The following GFM2 variants were observed in gnomAD, a reference collection of about 807,000 sequenced individuals.
GFM2 encodes the protein ribosome-releasing factor 2, mitochondrial.
A neutral mutation model predicts 95.4 loss-of-function variants in GFM2; 72 were observed. The ratio of observed to expected loss-of-function variants is 0.76; its 90% CI spans 0.62 to 0.92. The LOEUF (loss-of-function observed/expected upper bound fraction) is 0.92, where lower values mean the gene tolerates loss of function less well. GFM2 is among the 40% of genes least tolerant of loss of function. The pLI is 0.00. For synonymous variants in GFM2, 276 were observed against 317.5 expected, an observed-to-expected ratio of 0.87 and a Z score of 1.39; for missense variants, 825 against 924.1, an observed-to-expected ratio of 0.89 and a Z score of 1.39.
At chr5:74,750,291 T>C (rs1743626839) in intron 7 of GFM2, among the ~76,000 whole-genome samples, 1 of 152,234 alleles carries the variant, frequency 6.6e-6, no homozygotes, top group South Asian at 2.1e-4. Flanking sequence ...CAGTGTCTTC[T>C]GCCAGAATCC....
At chr5:74,744,493 C>A (rs553011125) in intron 10 of GFM2, among the ~76,000 whole-genome samples, 2 of 151,958 alleles carry the variant, frequency 1.3e-5, no homozygotes, top group African/African-American at 4.8e-5. Context: ...CCATAATATT[C>A]AAGAAATTAA....
intron 10 of GFM2, among the ~76,000 whole-genome samples, chr5:74,742,257 TA>T (rs36116775): frequency 1.2e-3 from 164 of 139,950 alleles, no homozygotes; most frequent in East Asian, 5.4e-3. Flanking sequence ...TCAAACTTGG[TA>T]AAAAAAAAAA....
rs768185080 is a variant in GFM2 at position 74,750,561 on chromosome 5, T to C, written c.519+18A>G. The C allele has an allele frequency of 1.9e-6, 3 of 1,575,324 alleles. No homozygotes were observed. In the South Asian group the frequency reaches 3.3e-5, roughly 18 times the overall value. On this transcript the variant is annotated intron_variant, in intron 7 of 20. Coordinates refer to ENST00000296805, the MANE Select transcript of GFM2 (RefSeq NM_032380.5). The stretch of plus-strand genomic sequence containing the variant: ...ATCATGCTGTTCTAATTCCCTTTAC[T>C]TTGGCAATATTATTTACCTCTACAC...
rs1302088139 is a variant in GFM2, at chr5:74,745,864, G to T, written c.670-7C>A. On this transcript the variant is annotated splice_region_variant and splice_polypyrimidine_tract_variant and intron_variant, in intron 9 of 20. Transcript: ENST00000296805. Reference sequence around the variant, plus strand: ...TGGCTTCACCAATTGGTAACTGTAAGTCAGAGTGAGATTAACATTATTACA... The same window carrying T: ...TGGCTTCACCAATTGGTAACTGTAATTCAGAGTGAGATTAACATTATTACA... 6.2e-7 allele frequency: 1 copy of T among 1,602,572 alleles called. No individual in the cohort carries two copies. Among genetic ancestry groups the T allele is most frequent in the Admixed American group, 1.7e-5 (1 of 58,976 alleles).
intron 10 of GFM2, among the ~76,000 whole-genome samples, chr5:74,744,444 G>A (rs1319700624): frequency 6.6e-6 from 1 of 151,504 alleles, no homozygotes; most frequent in Non-Finnish European, 1.5e-5. Context: ...CAATTTAGAA[G>A]TGAAAAATCA....
At chr5:74,747,150 T>C (rs1056921542) in intron 8 of GFM2, among the ~76,000 whole-genome samples, 2 of 152,184 alleles carry the variant, frequency 1.3e-5, no homozygotes, top group African/African-American at 4.8e-5. Context: ...TCCACCACTC[T>C]GTAAGTCTCT....
At position 74,751,424 on chromosome 5, in the gene GFM2, G is replaced by C. The variant is rs775606940; in HGVS notation, c.374C>G (p.Ser125Ter). 1.9e-6 allele frequency: 3 copies of C among 1,611,052 alleles called. No homozygotes were observed. Among genetic ancestry groups the C allele is most frequent in the Non-Finnish European group, 2.5e-6 (3 of 1,177,382 alleles). The change falls in exon 6 of 21, where the codon TCA becomes TGA. Residue 125 changes from serine (S) to a stop codon, truncating the protein, a stop_gained. Coordinates refer to ENST00000296805, the MANE Select transcript of GFM2 (RefSeq NM_032380.5). LOFTEE classifies it high-confidence loss of function. The part of the protein sequence containing the change: ...QERERGITIQ[S>*]AAVTFDWKGY... ...TTTCCAATCAAATGTAACAGCAGCT[G>C]ATTGAATAGTAATGCCTCTTTCTCG...
rs769378661 is a variant in GFM2 at position 74,738,293 on chromosome 5, C to T, written c.1320+25G>A. ...AATTAAATATTTAAGCTGTTATTTC[C>T]TAGAGAAATCATTTGGTCACTTACA... is the stretch of plus-strand genomic sequence containing the variant. On this transcript the variant is annotated intron_variant, in intron 14 of 20. Coordinates refer to ENST00000296805, the MANE Select transcript of GFM2 (RefSeq NM_032380.5). 12 of 1,552,812 alleles carry T rather than the reference C, an allele frequency of 7.7e-6. No individual in the cohort carries two copies. In the Admixed American group the frequency reaches 2.2e-4, roughly 28 times the overall value.
At chr5:74,756,676 T>C (rs1010526120) in intron 5 of GFM2, among the ~76,000 whole-genome samples, 7 of 151,528 alleles carry the variant, frequency 4.6e-5, no homozygotes, top group Non-Finnish European at 1.0e-4. Flanking sequence ...TATATATATA[T>C]ACACACACAT....
chr5:74,744,758 C>T (rs777211610), intron 10 of GFM2, among the ~76,000 whole-genome samples: 2 of 152,022 alleles, frequency 1.3e-5, no homozygotes, highest in Non-Finnish European at 2.9e-5. Context: ...TGCCCATGTG[C>T]ACAAGTAGAT....
At chr5:74,726,984 T>C (rs940284560) in intron 17 of GFM2, among the ~76,000 whole-genome samples, 4 of 152,100 alleles carry the variant, frequency 2.6e-5, no homozygotes, top group Admixed American at 1.3e-4. Context: ...CTGGGCAATA[T>C]AGCAAGACTC....
At chr5:74,739,755 C>T (rs1454268748) in intron 12 of GFM2, among the ~76,000 whole-genome samples, 1 of 152,122 alleles carries the variant, frequency 6.6e-6, no homozygotes, top group Non-Finnish European at 1.5e-5. Context: ...AACACTTACA[C>T]TTTTACACAG....
intron 10 of GFM2, among the ~76,000 whole-genome samples, chr5:74,742,010 G>A (rs1371239334): frequency 1.3e-5 from 2 of 152,112 alleles, no homozygotes; most frequent in Non-Finnish European, 2.9e-5. Context: ...TATTCTGAAT[G>A]TTCACCAGAT....
intron 12 of GFM2, among the ~76,000 whole-genome samples, chr5:74,738,877 T>C (rs1299341547): frequency 2.0e-5 from 3 of 152,144 alleles, no homozygotes; most frequent in Non-Finnish European, 2.9e-5. Flanking sequence ...ATTACTTCTA[T>C]TTGTGAATAA....
intron 8 of GFM2, among the ~76,000 whole-genome samples, chr5:74,747,033 C>T (rs1043277488): frequency 7.2e-5 from 11 of 152,214 alleles, no homozygotes; most frequent in Admixed American, 7.2e-4. Flanking sequence ...CTCTCCCTAT[C>T]ACATTTGTTC....
intron 12 of GFM2, among the ~76,000 whole-genome samples, chr5:74,739,026 A>G (rs1742983468): frequency 1.3e-5 from 2 of 152,104 alleles, no homozygotes; most frequent in African/African-American, 4.8e-5. Flanking sequence ...TGTCCATTAC[A>G]TAACCATAAA....
intron 17 of GFM2, among the ~76,000 whole-genome samples, chr5:74,729,785 T>C (rs1750327834): frequency 6.6e-6 from 1 of 151,900 alleles, no homozygotes; most frequent in Non-Finnish European, 1.5e-5. Flanking sequence ...GGGAACCAAA[T>C]TAAAATCATA....
chr5:74,750,397 AC>A (rs1406734730), intron 7 of GFM2, among the ~76,000 whole-genome samples, 181 bp downstream of exon 7: 1 of 152,202 alleles, frequency 6.6e-6, no homozygotes, highest in African/African-American at 2.4e-5. Flanking sequence ...TTCTCCTTTT[AC>A]TATGAAATAT....
At chr5:74,739,207 CTT>C (rs1282636880) in intron 12 of GFM2, among the ~76,000 whole-genome samples, 8 of 152,120 alleles carry the variant, frequency 5.3e-5, no homozygotes, top group Non-Finnish European at 2.9e-5. Context: ...GAATTCCTGA[CTT>C]AAAGTAGTTT....
Sources: gnomAD v4.1 joint callset for allele counts (sites outside exome capture counted in the v4.1 genomes callset) on GRCh38, gnomAD v4.1.1 for gene constraint, MANE v1.5 for transcripts, NCBI Gene and HGNC (gene_info 2026-07-23, HGNC 2026-07-21) for gene names.